Variants in RTF2 observed in about 807,000 individuals in gnomAD.
The protein encoded by RTF2 is replication termination factor 2.
Under a neutral mutation model 38.0 loss-of-function variants are expected in RTF2, and 18 were observed. The observed-to-expected ratio is 0.47, with a 90% CI of 0.33 to 0.70. The LOEUF (loss-of-function observed/expected upper bound fraction) is 0.70. Ranked by LOEUF, RTF2 falls within the 30% of genes least tolerant of loss-of-function variation. The pLI is 0.02. For synonymous variants in RTF2, 126 were observed against 137.1 expected (o/e 0.92, Z 0.57); for missense variants, 311 against 379.6 (o/e 0.82, Z 1.50).
At chr20:56,502,090 C>T (rs935572585) in intron 5 of RTF2, among the ~76,000 whole-genome samples, 1 of 152,236 alleles carries the variant, frequency 6.6e-6, no homozygotes, top group African/African-American at 2.4e-5. Flanking sequence ...AAAAGTTAAC[C>T]ATTCAGTTGA....
chr20:56,497,423 C>T lies in RTF2; in HGVS notation c.477+13234C>T, dbSNP rs774361869. The T allele has an allele frequency of 5.2e-5, 80 of 1,545,348 alleles. No homozygotes were observed. In the Admixed American group the frequency reaches 1.2e-3, roughly 24 times the overall value. ...TGCAAAATTTTGCAATTTAGGGGGC[C>T]GCCCCTTTCCCTTCAAATAAAGCGG... On this transcript the variant is annotated intron_variant, in intron 5 of 8. Transcript: ENST00000357348.
intron 5 of RTF2, chr20:56,495,240 C>T (rs550349236): frequency 2.5e-5 from 39 of 1,551,460 alleles, no homozygotes; most frequent in Middle Eastern, 1.7e-4. Context: ...CTCACTTTTC[C>T]GCTTAATGGC....
At chr20:56,471,006 G>A in intron 1 of RTF2, 2 of 211,708 alleles carry the variant, frequency 9.4e-6, no homozygotes, top group Non-Finnish European at 1.0e-5. Flanking sequence ...CGGGGGGATC[G>A]TGGTAGCCTT....
At position 56,491,638 on chromosome 20, in the gene RTF2, C is replaced by T. The variant is rs768400115; in HGVS notation, c.477+7449C>T. 9.0e-6 allele frequency: 14 copies of T among 1,551,956 alleles called. No homozygotes were observed. The South Asian group carries it at 1.3e-4, about 15-fold the overall frequency. On this transcript the variant is annotated intron_variant, in intron 5 of 8. Coordinates refer to ENST00000357348, the MANE Select transcript of RTF2 (RefSeq NM_016407.5). ...CTATAGGAACTTCTGCCTGCCTCAG[C>T]ACTTGAAGTCTGTGCCGCCGCTCTA...
rs559699965 is a variant in RTF2 at position 56,483,199 on chromosome 20, A to C, written c.399-912A>C. ...TTTGTACATTTGCACACTTGTGGGC[A>C]TGTTTCTGTAAGAAGAAACTCTTAA... On this transcript the variant is annotated intron_variant, in intron 4 of 8. Coordinates refer to ENST00000357348, the MANE Select transcript of RTF2 (RefSeq NM_016407.5). 3.9e-5 allele frequency among the ~76,000 whole-genome samples: 6 copies of C among 152,310 alleles called. No individual in the cohort carries two copies. In the South Asian group the frequency reaches 1.2e-3, roughly 32 times the overall value.
chr20:56,470,562 A>G (rs1252154929), intron 1 of RTF2: 1 of 455,708 alleles, frequency 2.2e-6, no homozygotes, highest in Non-Finnish European at 4.4e-6. Context: ...ATTCCTTGTA[A>G]TTTCCTGGGT....
chr20:56,499,400 C>G (rs2037258213), intron 5 of RTF2, among the ~76,000 whole-genome samples: 1 of 151,988 alleles, frequency 6.6e-6, no homozygotes, highest in African/African-American at 2.4e-5. Flanking sequence ...CCAGGCTGGT[C>G]TCAAACTCCT....
chr20:56,484,598 T>A (rs1348102246), intron 5 of RTF2, among the ~76,000 whole-genome samples: 2 of 152,170 alleles, frequency 1.3e-5, no homozygotes, highest in Non-Finnish European at 2.9e-5. Context: ...TGTGTCTGCT[T>A]CCCCACCGGA....
At chr20:56,499,249 T>C (rs1176843424) in intron 5 of RTF2, among the ~76,000 whole-genome samples, 2 of 148,732 alleles carry the variant, frequency 1.3e-5, no homozygotes, top group African/African-American at 5.0e-5. Flanking sequence ...CAGGCTGGAG[T>C]GCAATGGTGC....
intron 6 of RTF2, among the ~76,000 whole-genome samples, chr20:56,515,054 G>A (rs183266315): frequency 1.3e-5 from 2 of 148,328 alleles, no homozygotes; most frequent in African/African-American, 4.9e-5. Flanking sequence ...AAAAAAAGCC[G>A]CTTGGCCATT....
intron 3 of RTF2, 133 bp from the exon 4 acceptor site, chr20:56,476,852 C>A: frequency 2.5e-6 from 2 of 801,984 alleles, no homozygotes; most frequent in Admixed American, 2.4e-5. Flanking sequence ...TTCTTATGGA[C>A]CAGAGGAAAG....
At chr20:56,486,725 A>G (rs1441763793) in intron 5 of RTF2, among the ~76,000 whole-genome samples, 2 of 152,246 alleles carry the variant, frequency 1.3e-5, no homozygotes, top group Admixed American at 1.3e-4. Context: ...TTTAAATAAA[A>G]ATATTAAGAT....
Position 56,517,205 on chromosome 20 carries a change from G to C in RTF2, c.742+4G>C. ...AACTTGGCTCCCAAAAGCACAGGTG[G>C]GTCCTGTTGTAGCTACAGGGAGCTG... On this transcript the variant is annotated splice_donor_region_variant and intron_variant, in intron 8 of 8. Transcript: ENST00000357348. 1 of 1,612,702 alleles carries C rather than the reference G, an allele frequency of 6.2e-7. No individual in the cohort carries two copies. Among genetic ancestry groups the C allele is most frequent in the Non-Finnish European group, 8.5e-7 (1 of 1,179,002 alleles).
intron 5 of RTF2, among the ~76,000 whole-genome samples, chr20:56,508,118 A>C (rs1005513580): frequency 1.3e-5 from 2 of 152,186 alleles, no homozygotes; most frequent in Non-Finnish European, 2.9e-5. Context: ...ATCTTCAGTC[A>C]CGAAAATTTA....
intron 5 of RTF2, among the ~76,000 whole-genome samples, chr20:56,507,406 G>T (rs2146365190): frequency 6.6e-6 from 1 of 152,298 alleles, no homozygotes; most frequent in South Asian, 2.1e-4. Flanking sequence ...CAAGGTTCAA[G>T]CCATTGAGGC....
chr20:56,504,894 C>G (rs1984164261), intron 5 of RTF2, among the ~76,000 whole-genome samples: 1 of 152,234 alleles, frequency 6.6e-6, no homozygotes, highest in Non-Finnish European at 1.5e-5. Context: ...CTCTGAGACA[C>G]ATGCTGCTTT....
intron 3 of RTF2, among the ~76,000 whole-genome samples, chr20:56,476,473 G>C (rs1233651292): frequency 1.3e-5 from 2 of 149,128 alleles, no homozygotes; most frequent in Non-Finnish European, 3.0e-5. Context: ...GCTAGTCAGT[G>C]AATTGAAAAA....
rs552833396 is a variant in RTF2 at position 56,513,377 on chromosome 20, C to T, written c.540C>T (p.Asp180=). 82 of 1,609,042 alleles carry T rather than the reference C, an allele frequency of 5.1e-5. No homozygotes were observed. Among genetic ancestry groups the T allele is most frequent in the Non-Finnish European group, 6.0e-5 (71 of 1,178,076 alleles). The change falls in exon 6 of 9, where the codon GAC becomes GAT. Residue 180 remains aspartate, a synonymous_variant. Transcript: ENST00000357348. ...TCAATGGCACCAAGGAGGATGTGGA[C>T]GTGCTGAAGACAAGGATGGAGGAGA... ...IMLNGTKEDV[D]VLKTRMEERR... is the part of the protein sequence containing the mutation.
intron 5 of RTF2, among the ~76,000 whole-genome samples, chr20:56,492,814 G>T (rs980182145): frequency 2.0e-5 from 3 of 152,026 alleles, no homozygotes; most frequent in African/African-American, 7.2e-5. Flanking sequence ...TTTCAGAAAC[G>T]TTGCTCTTTC....
Sources: allele counts gnomAD v4.1 joint callset (sites outside exome capture counted in the v4.1 genomes callset), GRCh38; gene constraint gnomAD v4.1.1; transcripts MANE v1.5; gene names NCBI Gene and HGNC (gene_info 2026-07-23, HGNC 2026-07-21).